Variants in NBPF3 observed in about 807,000 individuals in gnomAD.
NBPF3 encodes NBPF member 3, also known as NBPF family member NBPF3.
In NBPF3, 57 loss-of-function variants were observed where a neutral mutation model predicts 78.1. The ratio of observed to expected loss-of-function variants is 0.73; its 90% CI spans 0.59 to 0.91. NBPF3 has a LOEUF of 0.91. Among genes scored for constraint, NBPF3 ranks in the 40% least tolerant of loss-of-function variants. The pLI is 0.00. For missense variants in NBPF3, 510 were observed against 715.3 expected (o/e 0.71, Z 3.27); for synonymous variants, 182 against 271.7 (o/e 0.67, Z 3.25).
intron 6 of NBPF3, 42 bp downstream of exon 6, chr1:21,472,957 AT>A: frequency 6.9e-7 from 1 of 1,441,250 alleles, no homozygotes; most frequent in South Asian, 1.1e-5. Flanking sequence ...GTGGTAACAT[AT>A]GAAAAAGGTC....
chr1:21,470,351 T>C (rs1408567978), intron 3 of NBPF3, among the ~76,000 whole-genome samples: 1 of 152,154 alleles, frequency 6.6e-6, no homozygotes, highest in African/African-American at 2.4e-5. Flanking sequence ...GCATTCAGAG[T>C]CAGACCTCAG....
Position 21,484,224 on chromosome 1 carries a change from C to A in NBPF3, c.*838C>A, listed in dbSNP as rs1013277926. ...AACTGACCTGTCTCCTTCACACAGT[C>A]CACGTCACCACGAATCACACAACAA... On this transcript the variant is annotated 3_prime_UTR_variant, in exon 15 of 15. Transcript: ENST00000318249. 2.9e-5 allele frequency: 4 copies of A among 138,802 alleles called. No homozygotes were observed. Among genetic ancestry groups the A allele is most frequent in the Non-Finnish European group, 6.3e-5 (4 of 63,774 alleles). 8.6% of individuals were successfully genotyped at this position (138,802 alleles called of 1,614,324 possible).
chr1:21,465,165 C>T (rs1468889524), intron 2 of NBPF3, among the ~76,000 whole-genome samples: 1 of 152,186 alleles, frequency 6.6e-6, no homozygotes, highest in African/African-American at 2.4e-5. Context: ...AAGCACTGGT[C>T]CACCTGAGAT....
intron 2 of NBPF3, among the ~76,000 whole-genome samples, chr1:21,458,602 C>T (rs1283583261): frequency 6.6e-6 from 1 of 152,082 alleles, no homozygotes; most frequent in East Asian, 1.9e-4. Context: ...AGGCATTAAC[C>T]GTTGATGCAA....
At chr1:21,472,622 T>C (rs1642661711) in intron 5 of NBPF3, among the ~76,000 whole-genome samples, 2 of 152,218 alleles carry the variant, frequency 1.3e-5, no homozygotes, top group African/African-American at 4.8e-5. Context: ...AAAGGTCTTT[T>C]CAGTATTTGG....
At chr1:21,445,274 T>A in intron 2 of NBPF3, 55 bp downstream of exon 2, 1 of 1,581,820 alleles carries the variant, frequency 6.3e-7, no homozygotes, top group East Asian at 2.3e-5. Context: ...CTCTTTCTAT[T>A]ATAACTCAGA....
chr1:21,479,996 G>A (rs1458799251), intron 10 of NBPF3, 55 bp from the exon 11 acceptor site: 25 of 855,422 alleles, frequency 2.9e-5, no homozygotes, highest in Non-Finnish European at 4.7e-5. Context: ...TCTAGCTGGG[G>A]CTGTGTGGTT....
intron 11 of NBPF3, 44 bp from the exon 12 acceptor site, chr1:21,480,886 G>T (rs748027330): frequency 3.5e-6 from 5 of 1,433,300 alleles, no homozygotes; most frequent in Non-Finnish European, 4.7e-6. Context: ...ATGGGTGTAG[G>T]TGAATTGGCT....
Position 21,444,945 on chromosome 1 carries a change from C to T in NBPF3, c.-139-3C>T, listed in dbSNP as rs1640877210. ...ACCTTGATTTCTCTCTTTTATCTCA[C>T]AGGCAATCTGAAGGCAAATCCTGTT... On this transcript the variant is annotated splice_region_variant and splice_polypyrimidine_tract_variant and intron_variant, in intron 1 of 14. Transcript: ENST00000318249. 2.4e-6 allele frequency: 2 copies of T among 827,024 alleles called. No individual in the cohort carries two copies. The highest frequency in any genetic ancestry group is 1.8e-6 in the Non-Finnish European group (1 of 548,152). The allele number at this position is 827,024 out of a possible 1,614,324, so 51.2% of individuals were successfully genotyped here. A position where few individuals can be genotyped will look rare whatever the true frequency, so the allele number is the denominator to read the frequency against.
intron 9 of NBPF3, 38 bp downstream of exon 9, chr1:21,478,345 C>G (rs1419132924): frequency 6.2e-7 from 1 of 1,603,574 alleles, no homozygotes; most frequent in Non-Finnish European, 8.5e-7. Context: ...AGCTCCAGTT[C>G]ATGTCCCAGG....
At chr1:21,439,882 G>A (rs1569887568), upstream of NBPF3, among the ~76,000 whole-genome samples, 1 of 152,226 alleles carries the variant, frequency 6.6e-6, no homozygotes, top group Non-Finnish European at 1.5e-5. Context: ...CAGCGATTTG[G>A]AGGGTCGAGG....
rs138236134 is a variant in NBPF3, at chr1:21,473,533, C to G, written c.888C>G (p.Leu296=). The change falls in exon 7 of 15, where the codon CTC becomes CTG. Residue 296 remains leucine (L), a synonymous_variant. Transcript: ENST00000318249. ...TFEEDQVDST[L]IDSSSHDEWL... ...AGGAAGACCAAGTCGACTCAACTCT[C>G]ATTGACTCATCCTCTCATGATGAAT... The G allele has an allele frequency of 1.2e-6, 2 of 1,614,098 alleles. No individual in the cohort carries two copies. The highest frequency in any genetic ancestry group is 2.7e-5 in the African/African-American group (2 of 74,934).
chr1:21,464,626 AAAT>A (rs1266614699), intron 2 of NBPF3, among the ~76,000 whole-genome samples: 4 of 151,868 alleles, frequency 2.6e-5, no homozygotes, highest in Admixed American at 6.6e-5. Context: ...TCTACTGTAG[AAAT>A]AATAATAACA....
chr1:21,470,801 C>A, intron 4 of NBPF3, 67 bp downstream of exon 4: 1 of 1,067,556 alleles, frequency 9.4e-7, no homozygotes, highest in Non-Finnish European at 1.4e-6. Context: ...AGCAGCTCGG[C>A]AGGGAGAACT....
chr1:21,438,167 C>T (rs1355817756), upstream of NBPF3, among the ~76,000 whole-genome samples: 1 of 151,632 alleles, frequency 6.6e-6, no homozygotes, highest in African/African-American at 2.4e-5. Flanking sequence ...GGCTGGATTG[C>T]AGTGACATGA....
At chr1:21,479,820 C>CTCTCTCTG (rs766796014) in intron 10 of NBPF3, among the ~76,000 whole-genome samples, 1 of 102,808 alleles carries the variant, frequency 9.7e-6, no homozygotes, top group African/African-American at 3.4e-5. Flanking sequence ...CTCTCTCTCT[C>CTCTCTCTG]TGTGTGTGTG....
chr1:21,467,561 A>C (rs989148124), intron 2 of NBPF3, among the ~76,000 whole-genome samples: 8 of 152,222 alleles, frequency 5.3e-5, no homozygotes, highest in African/African-American at 1.4e-4. Context: ...CAATGGTGTT[A>C]GTCCAACCCA....
intron 9 of NBPF3, among the ~76,000 whole-genome samples, chr1:21,478,796 C>T (rs1183209213): frequency 6.6e-6 from 1 of 152,196 alleles, no homozygotes; most frequent in East Asian, 1.9e-4. Flanking sequence ...TTTTCTGTGT[C>T]TTCTAAGTTG....
chr1:21,464,062 T>G (rs7412688), intron 2 of NBPF3, among the ~76,000 whole-genome samples: 1 of 152,140 alleles, frequency 6.6e-6, no homozygotes, highest in Admixed American at 6.5e-5. Flanking sequence ...CTCAAAAAGT[T>G]AAACATAAAA....
Sources: gnomAD v4.1 joint callset for allele counts (sites outside exome capture counted in the v4.1 genomes callset) on GRCh38, gnomAD v4.1.1 for gene constraint, MANE v1.5 for transcripts, NCBI Gene and HGNC (gene_info 2026-07-23, HGNC 2026-07-21) for gene names.